Variants in DSCAM observed in about 807,000 individuals in gnomAD.
DSCAM encodes cell adhesion molecule DSCAM.
A neutral mutation model predicts 217.7 loss-of-function variants in DSCAM; 47 were observed. The ratio of observed to expected loss-of-function variants is 0.22; its 90% CI spans 0.17 to 0.28. The LOEUF is 0.28. Among genes scored for constraint, DSCAM ranks in the 10% least tolerant of loss-of-function variants. The pLI is 1.00. For synonymous variants in DSCAM, 1,056 were observed against 1,015.3 expected, an observed-to-expected ratio of 1.04 and a Z score of -0.76; for missense variants, 2,080 against 2,618.3, an observed-to-expected ratio of 0.79 and a Z score of 4.49.
intron 1 of DSCAM, among the ~76,000 whole-genome samples, chr21:40,814,226 G>A (rs767628457): frequency 6.6e-6 from 1 of 152,236 alleles, no homozygotes; most frequent in Admixed American, 6.5e-5. Context: ...TAATTCTCCT[G>A]CGCATGAAGA....
chr21:40,501,860 C>G (rs1219142059), intron 3 of DSCAM, among the ~76,000 whole-genome samples: 1 of 152,218 alleles, frequency 6.6e-6, no homozygotes, highest in Non-Finnish European at 1.5e-5. Context: ...TCCCAAAGTG[C>G]TGGGATTATA....
chr21:40,113,155 C>T (rs2089922203), intron 20 of DSCAM, among the ~76,000 whole-genome samples: 1 of 152,146 alleles, frequency 6.6e-6, no homozygotes, highest in Admixed American at 6.5e-5. Context: ...AACATCGATG[C>T]AAAAATCCTC....
At chr21:40,603,692 T>C (rs1228398028) in intron 3 of DSCAM, among the ~76,000 whole-genome samples, 1 of 152,110 alleles carries the variant, frequency 6.6e-6, no homozygotes, top group Non-Finnish European at 1.5e-5. Context: ...AGACAGAGAA[T>C]TCTATCTTGG....
intron 3 of DSCAM, among the ~76,000 whole-genome samples, chr21:40,580,996 A>C (rs2076901076): frequency 6.6e-6 from 1 of 152,238 alleles, no homozygotes; most frequent in African/African-American, 2.4e-5. Flanking sequence ...AAAGATGATA[A>C]AATACAAAAC....
At chr21:40,292,002 G>A (rs922289410) in intron 10 of DSCAM, among the ~76,000 whole-genome samples, 3 of 152,064 alleles carry the variant, frequency 2.0e-5, no homozygotes, top group Non-Finnish European at 4.4e-5. Context: ...CAAGAGAATG[G>A]CATTAAGCTG....
intron 9 of DSCAM, 65 bp from the exon 10 acceptor site, chr21:40,296,239 T>C (rs977537941): frequency 1.3e-6 from 2 of 1,535,974 alleles, no homozygotes; most frequent in African/African-American, 2.8e-5. Context: ...GGTATGATTC[T>C]AAGAAACTGA....
At chr21:40,834,068 A>T (rs991437430) in intron 1 of DSCAM, among the ~76,000 whole-genome samples, 8 of 152,130 alleles carry the variant, frequency 5.3e-5, no homozygotes, top group Admixed American at 3.9e-4. Context: ...TCCGGTGCAT[A>T]CTTCTTTTAA....
intron 1 of DSCAM, among the ~76,000 whole-genome samples, chr21:40,710,830 G>A: frequency 6.6e-6 from 1 of 152,248 alleles, no homozygotes; most frequent in East Asian, 1.9e-4. Context: ...ATATTTGTAA[G>A]AGAGAAGAGA....
chr21:40,078,453 C>T (rs77916028), intron 26 of DSCAM, among the ~76,000 whole-genome samples: 4 of 152,138 alleles, frequency 2.6e-5, no homozygotes, highest in African/African-American at 9.7e-5. Flanking sequence ...CCATGACTCC[C>T]CAGTGAGACT....
At chr21:40,122,595 T>A (rs927706518) in intron 20 of DSCAM, among the ~76,000 whole-genome samples, 1 of 152,172 alleles carries the variant, frequency 6.6e-6, no homozygotes, top group Non-Finnish European at 1.5e-5. Context: ...CTCAGCTTTT[T>A]TTCAGTGTCT....
At chr21:40,298,415 C>A (rs1473549128) in intron 9 of DSCAM, among the ~76,000 whole-genome samples, 1 of 151,850 alleles carries the variant, frequency 6.6e-6, no homozygotes, top group Non-Finnish European at 1.5e-5. Context: ...TCCCAACTTG[C>A]AAATGAAATA....
chr21:40,178,137 T>C (rs2090753023), intron 15 of DSCAM, among the ~76,000 whole-genome samples: 1 of 152,180 alleles, frequency 6.6e-6, no homozygotes, highest in Admixed American at 6.5e-5. Context: ...GGGCTGACAA[T>C]CAGCATTCAT....
chr21:40,577,762 G>A (rs975987742), intron 3 of DSCAM, among the ~76,000 whole-genome samples: 26 of 152,150 alleles, frequency 1.7e-4, no homozygotes, highest in African/African-American at 6.3e-4. Context: ...AAGGATAAAT[G>A]ATTACAGGAA....
rs1331792970 is a variant in DSCAM, at chr21:40,144,463, GC to G, written c.3259+27del. On this transcript the variant is annotated intron_variant, in intron 17 of 32. Transcript: ENST00000400454. The surrounding 1 kb of genome is among the most constrained non-coding windows in gnomAD (Gnocchi z 4.8). The stretch of plus-strand genomic sequence containing the variant: ...CGAGGGAACCTTTGCGGAGGGAAAA[GC>G]CACGACCAGGCCCCGGCCGAACCTA... 2 of 1,611,278 alleles carry G rather than the reference GC, an allele frequency of 1.2e-6. No homozygotes were observed. The highest frequency in any genetic ancestry group is 1.7e-6 in the Non-Finnish European group (2 of 1,177,988).
chr21:40,018,031 A>AGAT (rs1227739286), intron 32 of DSCAM, among the ~76,000 whole-genome samples: 9 of 51,868 alleles, frequency 1.7e-4, no homozygotes, highest in Admixed American at 5.1e-4. Flanking sequence ...TGTTCCTGAA[A>AGAT]GAATTTGAGT....
At chr21:40,443,823 T>C (rs1352094018) in intron 3 of DSCAM, among the ~76,000 whole-genome samples, 1 of 152,186 alleles carries the variant, frequency 6.6e-6, no homozygotes, top group Non-Finnish European at 1.5e-5. Flanking sequence ...ATTTTAAAGT[T>C]TTAATTATTC....
At chr21:40,446,698 T>C (rs145035310) in intron 3 of DSCAM, among the ~76,000 whole-genome samples, 1 of 152,352 alleles carries the variant, frequency 6.6e-6, no homozygotes, top group Non-Finnish European at 1.5e-5. Flanking sequence ...CTCAGGTTTA[T>C]GGCTCTCCCC....
chr21:40,225,246 C>T (rs2837515), intron 11 of DSCAM, among the ~76,000 whole-genome samples: 63,822 of 151,956 alleles, frequency 0.42, 15,251 homozygotes, highest in East Asian at 0.57. Flanking sequence ...TGCCTGCCTT[C>T]ATTTCTGTTT....
At chr21:40,114,892 A>G (rs2089948520) in intron 20 of DSCAM, among the ~76,000 whole-genome samples, 3 of 152,330 alleles carry the variant, frequency 2.0e-5, no homozygotes, top group South Asian at 4.1e-4. Context: ...TAGAATGGCT[A>G]TCATTAAAAA....
Sources: gnomAD v4.1 joint callset for allele counts (sites outside exome capture counted in the v4.1 genomes callset) on GRCh38, gnomAD v4.1.1 for gene constraint, Gnocchi (gnomAD v3.1) non-coding constraint, MANE v1.5 for transcripts, NCBI Gene and HGNC (gene_info 2026-07-23, HGNC 2026-07-21) for gene names.